SOX6: variants seen among roughly 807,000 people sequenced by gnomAD.
The protein encoded by SOX6 is transcription factor SOX-6.
SOX6 carries 11 observed loss-of-function variants against 97.8 expected under a neutral mutation model. The ratio of observed to expected loss-of-function variants is 0.11; its 90% CI spans 0.07 to 0.19. The LOEUF (loss-of-function observed/expected upper bound fraction) is 0.19, where lower values mean the gene tolerates loss of function less well. Among genes scored for constraint, SOX6 ranks in the 10% least tolerant of loss-of-function variants. SOX6 has a pLI of 1.00. For missense variants in SOX6, 810 were observed against 1,039.5 expected (o/e 0.78, Z 3.04); for synonymous variants, 360 against 371.4 (o/e 0.97, Z 0.35).
At chr11:16,560,927 G>T (rs1448110773) in intron 4 of SOX6, among the ~76,000 whole-genome samples, 1 of 152,116 alleles carries the variant, frequency 6.6e-6, no homozygotes, top group East Asian at 1.9e-4. Flanking sequence ...CTATGAGGAT[G>T]CAAAGGCATA....
chr11:16,418,683 G>T (rs1182003197), intron 1 of SOX6, among the ~76,000 whole-genome samples: 1 of 151,904 alleles, frequency 6.6e-6, no homozygotes, highest in Non-Finnish European at 1.5e-5. Context: ...AAAGTTGGGG[G>T]CAACAACAGG....
chr11:16,651,944 A>C lies in SOX6; in HGVS notation n.430-39684T>G, dbSNP rs369430436. Among the ~76,000 whole-genome samples the C allele has an allele frequency of 2.3e-4, 35 of 152,304 alleles. No individual in the cohort carries two copies. The East Asian group carries it at 5.0e-3, about 22-fold the overall frequency. ...TCAGAATACAAAATTTATGTACACA[A>C]ATCATTAGCACTGCTATATACCAAC... On this transcript the variant is annotated intron_variant and non_coding_transcript_variant, in intron 3 of 5. Coordinates refer to the SOX6 transcript ENST00000524520.
chr11:16,388,127 G>T (rs1387903049), intron 1 of SOX6, among the ~76,000 whole-genome samples: 10 of 152,056 alleles, frequency 6.6e-5, no homozygotes, highest in Non-Finnish European at 1.5e-4. Context: ...TTCCTAGATT[G>T]CTGGGAGTTT....
intron 6 of SOX6, 69 bp from the exon 7 acceptor site, chr11:16,111,992 C>T: frequency 6.2e-7 from 1 of 1,600,288 alleles, no homozygotes; most frequent in Non-Finnish European, 8.5e-7. Flanking sequence ...TTGTTTTTCA[C>T]TCCTGGTGGT....
chr11:16,318,200 A>C (rs1855807944), intron 3 of SOX6: 1 of 521,612 alleles, frequency 1.9e-6, no homozygotes. Context: ...GGTCAGTTTA[A>C]AATCCTAATT....
chr11:16,032,257 G>T (rs149376961), intron 12 of SOX6, among the ~76,000 whole-genome samples: 242 of 152,118 alleles, frequency 1.6e-3, no homozygotes, highest in South Asian at 3.5e-3. Context: ...GAGCAGAGCT[G>T]GTATTTGAAC....
chr11:16,632,329 C>G (rs775910327), intron 3 of SOX6, among the ~76,000 whole-genome samples: 17 of 152,090 alleles, frequency 1.1e-4, no homozygotes, highest in Non-Finnish European at 1.6e-4. Context: ...TCTAAAGTCC[C>G]ATGCACTTCT....
chr11:16,043,876 C>T lies in SOX6; in HGVS notation c.1623+2638G>A, dbSNP rs565085699. ...TCAAGGTCATGTCCTCTTCCCATGG[C>T]GTCACTTATCCAATGACTGGTTGAT... is the stretch of plus-strand genomic sequence containing the variant. On this transcript the variant is annotated intron_variant, in intron 12 of 15. Coordinates refer to ENST00000683767, the MANE Select transcript of SOX6 (RefSeq NM_001367873.1). Among the ~76,000 whole-genome samples the T allele has an allele frequency of 5.3e-5, 8 of 152,094 alleles. No homozygotes were observed. The East Asian group carries it at 5.8e-4, about 11-fold the overall frequency.
Position 16,269,739 on chromosome 11 carries a change from T to A in SOX6, c.446-35068A>T, listed in dbSNP as rs183965784. 3.5e-4 allele frequency among the ~76,000 whole-genome samples: 53 copies of A among 151,360 alleles called. No individual in the cohort carries two copies. In the East Asian group the frequency reaches 9.8e-3, roughly 28 times the overall value. ...TTTTTCTACCATTAATTATATCCTC[T>A]AATTGGCTGTGCTATTTTCTACAAA... On this transcript the variant is annotated intron_variant, in intron 3 of 15. Transcript: ENST00000683767.
chr11:16,214,061 C>T (rs1852301056), intron 4 of SOX6, among the ~76,000 whole-genome samples: 1 of 152,124 alleles, frequency 6.6e-6, no homozygotes, highest in Non-Finnish European at 1.5e-5. Flanking sequence ...TCTATGCTGC[C>T]TAATATGATA....
At chr11:16,221,832 C>T (rs1852547664) in intron 4 of SOX6, among the ~76,000 whole-genome samples, 1 of 152,000 alleles carries the variant, frequency 6.6e-6, no homozygotes, top group Non-Finnish European at 1.5e-5. Context: ...GAGTTATACA[C>T]AATGTTACAA....
chr11:16,318,299 C>A (rs1855810857), intron 3 of SOX6, 147 bp downstream of exon 3: 2 of 776,136 alleles, frequency 2.6e-6, no homozygotes, highest in Admixed American at 2.2e-5. Context: ...AATCTGCCAT[C>A]ACCATAGTAA....
At chr11:16,509,146 T>G (rs1860836981) in intron 4 of SOX6, among the ~76,000 whole-genome samples, 1 of 151,902 alleles carries the variant, frequency 6.6e-6, no homozygotes, top group African/African-American at 2.4e-5. Context: ...TTAGAAATGT[T>G]TACCATATAT....
intron 2 of SOX6, among the ~76,000 whole-genome samples, chr11:16,324,965 G>C (rs1034169950): frequency 2.0e-5 from 3 of 151,992 alleles, no homozygotes; most frequent in Admixed American, 6.6e-5. Flanking sequence ...TGGAAATATA[G>C]TTAGATAGAA....
chr11:16,132,987 A>T (rs910001893), intron 6 of SOX6, among the ~76,000 whole-genome samples: 4 of 152,174 alleles, frequency 2.6e-5, no homozygotes, highest in African/African-American at 9.6e-5. Context: ...CAGTTGTGAT[A>T]TGGTAAAATA....
At chr11:16,471,583 G>A (rs1376384846) in intron 1 of SOX6, among the ~76,000 whole-genome samples, 2 of 152,172 alleles carry the variant, frequency 1.3e-5, no homozygotes, top group Non-Finnish European at 2.9e-5. Context: ...AATTGTCACT[G>A]AACCCATTTG....
chr11:16,217,015 C>T (rs1193263851), intron 4 of SOX6, among the ~76,000 whole-genome samples: 1 of 152,162 alleles, frequency 6.6e-6, no homozygotes, highest in Non-Finnish European at 1.5e-5. Context: ...AACAAAAGAG[C>T]TCCTTTCAGT....
At chr11:16,006,384 A>G (rs1336888114) in intron 13 of SOX6, among the ~76,000 whole-genome samples, 6 of 152,062 alleles carry the variant, frequency 3.9e-5, no homozygotes, top group Admixed American at 3.9e-4. Flanking sequence ...TATGGCACCC[A>G]TCTATTTCTG....
chr11:16,455,789 T>C (rs1859799806), intron 1 of SOX6, among the ~76,000 whole-genome samples: 1 of 152,160 alleles, frequency 6.6e-6, no homozygotes, highest in South Asian at 2.1e-4. Flanking sequence ...ATAAAATAAC[T>C]TTAAGTCCTA....
Sources: gnomAD v4.1 joint callset for allele counts (sites outside exome capture counted in the v4.1 genomes callset) on GRCh38, gnomAD v4.1.1 for gene constraint, MANE v1.5 for transcripts, NCBI Gene and HGNC (gene_info 2026-07-23, HGNC 2026-07-21) for gene names.